The following CSMD1 variants were observed in gnomAD, a reference collection of about 807,000 sequenced individuals.
CSMD1 encodes the protein CUB and sushi domain-containing protein 1.
CSMD1 carries 213 observed loss-of-function variants against 417.5 expected under a neutral mutation model. The ratio of observed to expected loss-of-function variants is 0.51; its 90% confidence interval spans 0.46 to 0.57. The LOEUF (loss-of-function observed/expected upper bound fraction) is 0.57. Among genes scored for constraint, CSMD1 ranks in the 20% least tolerant of loss-of-function variants. The pLI, the probability that CSMD1 is intolerant of heterozygous loss-of-function variation, is 0.00. For synonymous variants in CSMD1, 2,862 were observed against 1,736.8 expected, an observed-to-expected ratio of 1.65 and a Z score of -16.11; for missense variants, 6,923 against 4,529.7, an observed-to-expected ratio of 1.53 and a Z score of -15.17.
At chr8:3,944,682 A>C (rs1305244304) in intron 5 of CSMD1, among the ~76,000 whole-genome samples, 1 of 152,184 alleles carries the variant, frequency 6.6e-6, no homozygotes, top group East Asian at 1.9e-4. Context: ...AAATAAAAAG[A>C]TCTATGTTGA....
rs191823617 is a variant in CSMD1 at position 4,873,191 on chromosome 8, T to A, written c.85+121141A>T. Among the ~76,000 whole-genome samples, 565 of 152,208 alleles carry A rather than the reference T, an allele frequency of 3.7e-3. 9 individuals carry two copies. Among genetic ancestry groups the A allele is most frequent in the South Asian group, 0.019 (90 of 4,826 alleles). On this transcript the variant is annotated intron_variant, in intron 1 of 69. Transcript: ENST00000635120. ...TCAAAATGATAGGAGGTGGCAACAATGAGTAATCTGTATTTAATTATTGGG... is the reference window on the plus strand; with the variant it reads ...TCAAAATGATAGGAGGTGGCAACAAAGAGTAATCTGTATTTAATTATTGGG...
intron 5 of CSMD1, among the ~76,000 whole-genome samples, chr8:3,804,074 G>A (rs756578871): frequency 1.3e-5 from 2 of 151,960 alleles, no homozygotes; most frequent in Admixed American, 1.3e-4. Flanking sequence ...TTACAGACGT[G>A]CACCACCACA....
At chr8:4,903,679 T>C (rs1037328144) in intron 1 of CSMD1, among the ~76,000 whole-genome samples, 5 of 152,200 alleles carry the variant, frequency 3.3e-5, no homozygotes, top group East Asian at 1.9e-4. Context: ...TAAATGTTTA[T>C]ACCAAAGGTT....
At chr8:3,010,741 C>G (rs1286499981) in intron 52 of CSMD1, among the ~76,000 whole-genome samples, 1 of 151,660 alleles carries the variant, frequency 6.6e-6, no homozygotes, top group East Asian at 1.9e-4. Flanking sequence ...TTATTCTATT[C>G]CCAACTTTTT....
intron 1 of CSMD1, among the ~76,000 whole-genome samples, chr8:4,798,300 T>C (rs918018782): frequency 6.6e-6 from 1 of 152,214 alleles, no homozygotes; most frequent in African/African-American, 2.4e-5. Flanking sequence ...CTGAGAATGA[T>C]GGTTTCTAGC....
intron 7 of CSMD1, among the ~76,000 whole-genome samples, chr8:3,623,919 G>A (rs1796373991): frequency 6.6e-6 from 1 of 151,998 alleles, no homozygotes; most frequent in African/African-American, 2.4e-5. Flanking sequence ...GGAGTTTGCA[G>A]TAAGCTGAGA....
intron 62 of CSMD1, among the ~76,000 whole-genome samples, chr8:2,960,774 T>G (rs919357507): frequency 2.0e-5 from 3 of 151,988 alleles, no homozygotes; most frequent in African/African-American, 7.2e-5. Context: ...GAACCTTTTA[T>G]GGGTAGCTAA....
intron 3 of CSMD1, among the ~76,000 whole-genome samples, chr8:4,106,786 C>T (rs774648882): frequency 6.6e-6 from 1 of 152,062 alleles, no homozygotes; most frequent in East Asian, 1.9e-4. Context: ...CAGTGGCTGA[C>T]GGCGATGGTC....
intron 3 of CSMD1, among the ~76,000 whole-genome samples, chr8:4,181,361 T>G (rs1584972090): frequency 7.3e-6 from 1 of 136,868 alleles, no homozygotes; most frequent in South Asian, 2.2e-4. Flanking sequence ...TCTCATTTAT[T>G]TATTTATTTT....
intron 49 of CSMD1, among the ~76,000 whole-genome samples, chr8:3,066,945 T>C (rs1812973944): frequency 1.3e-5 from 2 of 152,162 alleles, no homozygotes; most frequent in African/African-American, 2.4e-5. Context: ...GAGAAGTTGA[T>C]GGGTGTAATT....
chr8:4,071,893 G>T lies in CSMD1; in HGVS notation c.416-39794C>A, dbSNP rs76358736. Among the ~76,000 whole-genome samples the T allele has an allele frequency of 5.3e-3, 813 of 152,210 alleles. 7 individuals carry two copies. Among genetic ancestry groups the T allele is most frequent in the African/African-American group, 0.019 (773 of 41,534 alleles). On this transcript the variant is annotated intron_variant, in intron 3 of 69. Coordinates refer to ENST00000635120, the MANE Select transcript of CSMD1 (RefSeq NM_033225.6). ...TCCTCAGCTACCCCATTTGGAATCT[G>T]CTCCACTTAGGCATAGCTCAAGAGT...
At chr8:3,670,024 G>C (rs1009923502) in intron 7 of CSMD1, among the ~76,000 whole-genome samples, 1 of 152,124 alleles carries the variant, frequency 6.6e-6, no homozygotes, top group Non-Finnish European at 1.5e-5. Context: ...TTATGTAAAA[G>C]GCAGTGAAAT....
chr8:3,727,269 C>G (rs918429853), intron 6 of CSMD1, among the ~76,000 whole-genome samples: 3 of 152,164 alleles, frequency 2.0e-5, no homozygotes, highest in Non-Finnish European at 2.9e-5. Context: ...GAAAGTAATT[C>G]TACATACACA....
intron 1 of CSMD1, among the ~76,000 whole-genome samples, chr8:4,912,839 G>A (rs1385183608): frequency 1.3e-5 from 2 of 152,076 alleles, no homozygotes; most frequent in African/African-American, 4.8e-5. Flanking sequence ...AGACTAGAGT[G>A]CAGTGGTGCA....
At chr8:4,275,979 T>C (rs1029029012) in intron 3 of CSMD1, among the ~76,000 whole-genome samples, 1 of 152,186 alleles carries the variant, frequency 6.6e-6, no homozygotes, top group Admixed American at 6.5e-5. Flanking sequence ...CAGCAGATGC[T>C]GGAGAGACTG....
At chr8:3,795,104 G>C (rs1799976863) in intron 5 of CSMD1, among the ~76,000 whole-genome samples, 1 of 103,640 alleles carries the variant, frequency 9.6e-6, no homozygotes, top group East Asian at 3.0e-4. Flanking sequence ...TATCTATCAT[G>C]TACAGCTATA....
At chr8:4,003,757 T>C (rs2130381082) in intron 4 of CSMD1, among the ~76,000 whole-genome samples, 1 of 152,306 alleles carries the variant, frequency 6.6e-6, no homozygotes, top group Admixed American at 6.5e-5. Flanking sequence ...AGAGGGCTCA[T>C]ATACGCCGGC....
chr8:4,721,966 A>T (rs1253278255), intron 1 of CSMD1, among the ~76,000 whole-genome samples: 6 of 152,200 alleles, frequency 3.9e-5, no homozygotes, highest in Non-Finnish European at 7.3e-5. Context: ...ATCTTACAAA[A>T]ACGGAATACA....
chr8:3,850,925 G>C (rs1585089941), intron 5 of CSMD1, among the ~76,000 whole-genome samples: 1 of 152,050 alleles, frequency 6.6e-6, no homozygotes, highest in African/African-American at 2.4e-5. Flanking sequence ...TAATTTAAAA[G>C]AAATAAGAAT....
Sources: allele counts gnomAD v4.1 joint callset (sites outside exome capture counted in the v4.1 genomes callset), GRCh38; gene constraint gnomAD v4.1.1; transcripts MANE v1.5; gene names NCBI Gene and HGNC (gene_info 2026-07-23, HGNC 2026-07-21).